The following ASIC2 variants were observed in gnomAD, a reference collection of about 807,000 sequenced individuals.
The protein encoded by ASIC2 is acid-sensing ion channel 2.
A neutral mutation model predicts 57.3 loss-of-function variants in ASIC2; 25 were observed. The ratio of observed to expected loss-of-function variants is 0.44; its 90% CI spans 0.32 to 0.61. ASIC2 has a LOEUF of 0.61. Ranked by LOEUF, ASIC2 falls within the 20% of genes least tolerant of loss-of-function variation. The pLI is 0.06. For missense variants in ASIC2, 641 were observed against 738.1 expected (o/e 0.87, Z 1.52); for synonymous variants, 319 against 307.5 (o/e 1.04, Z -0.39).
Position 33,594,728 on chromosome 17 carries a change from C to T in ASIC2, c.556-482661G>A, listed in dbSNP as rs371959823. ...CTGTAGTCCCAGCTACTCGGGAGGC[C>T]GAGGCAGGAGAATGACGTGAACCCG... On this transcript the variant is annotated intron_variant, in intron 1 of 9. Coordinates refer to the ASIC2 transcript ENST00000359872. Among the ~76,000 whole-genome samples the T allele has an allele frequency of 8.9e-3, 1,350 of 151,292 alleles. 26 individuals carry two copies. Among genetic ancestry groups the T allele is most frequent in the African/African-American group, 0.03 (1,234 of 41,176 alleles).
At chr17:33,042,643 A>T (rs941191611) in intron 3 of ASIC2, among the ~76,000 whole-genome samples, 2 of 152,242 alleles carry the variant, frequency 1.3e-5, no homozygotes, top group Admixed American at 6.5e-5. Context: ...GAGAGGTTAA[A>T]TGACTCTGGT....
intron 1 of ASIC2, among the ~76,000 whole-genome samples, chr17:33,479,906 C>A (rs1164104813): frequency 6.6e-6 from 1 of 152,156 alleles, no homozygotes; most frequent in Non-Finnish European, 1.5e-5. Context: ...CCCTCCATAT[C>A]TTCAACCTCC....
At position 33,671,633 on chromosome 17, in the gene ASIC2, G is replaced by A. The variant is rs566662040; in HGVS notation, c.555+484345C>T. ...CAAAGATCCAGGTTTCTCAGCCTGC[G>A]TGGACATCCACTTGGGAGGGTCCAA... On this transcript the variant is annotated intron_variant, in intron 1 of 9. Coordinates refer to the ASIC2 transcript ENST00000359872. Among the ~76,000 whole-genome samples the A allele has an allele frequency of 4.6e-5, 7 of 152,278 alleles. No homozygotes were observed. The East Asian group carries it at 5.8e-4, about 13-fold the overall frequency.
intron 1 of ASIC2, among the ~76,000 whole-genome samples, chr17:33,762,164 T>C (rs958483631): frequency 5.9e-5 from 9 of 152,080 alleles, no homozygotes; most frequent in South Asian, 2.1e-4. Flanking sequence ...AGGCAGGCTG[T>C]GGAGGTGGCA....
intron 1 of ASIC2, chr17:34,003,562 T>A (rs1906418294): frequency 6.6e-6 from 1 of 152,142 alleles, no homozygotes; most frequent in South Asian, 2.1e-4. Context: ...ATCATTGTCA[T>A]CATCATGATC....
At chr17:34,041,541 A>G (rs541801708) in intron 1 of ASIC2, 27 of 152,330 alleles carry the variant, frequency 1.8e-4, no homozygotes, top group African/African-American at 6.5e-4. Context: ...GGGAAATTGC[A>G]TATTTCCCTG....
chr17:33,610,963 A>G (rs560025300), intron 1 of ASIC2, among the ~76,000 whole-genome samples: 1 of 152,272 alleles, frequency 6.6e-6, no homozygotes, highest in East Asian at 1.9e-4. Flanking sequence ...TAGCACAGAA[A>G]CCCTGTAATT....
intron 1 of ASIC2, among the ~76,000 whole-genome samples, chr17:33,208,025 G>A (rs1334968986): frequency 6.6e-6 from 1 of 152,236 alleles, no homozygotes; most frequent in Non-Finnish European, 1.5e-5. Context: ...TTCTAGAGGA[G>A]CCAGACTAAG....
chr17:33,607,522 T>C (rs542221342), intron 1 of ASIC2, among the ~76,000 whole-genome samples: 4 of 152,170 alleles, frequency 2.6e-5, no homozygotes, highest in Non-Finnish European at 5.9e-5. Context: ...TTTCGAAAGC[T>C]GTTTGCTCTT....
At chr17:33,883,068 A>T (rs550469346) in intron 1 of ASIC2, among the ~76,000 whole-genome samples, 1 of 152,182 alleles carries the variant, frequency 6.6e-6, no homozygotes, top group African/African-American at 2.4e-5. Context: ...ATGAGAACAC[A>T]TGGACACAGG....
At position 33,013,889 on chromosome 17, in the gene ASIC2, T is replaced by G; in HGVS notation, c.*76A>C. The G allele has an allele frequency of 2.4e-4, 311 of 1,298,902 alleles. No homozygotes were observed. Among genetic ancestry groups the G allele is most frequent in the Non-Finnish European group, 3.0e-4 (279 of 916,902 alleles). 80.5% of individuals were successfully genotyped at this position (1,298,902 alleles called of 1,614,324 possible). A position where few individuals can be genotyped will look rare whatever the true frequency, so the allele number is the denominator to read the frequency against. On this transcript the variant is annotated 3_prime_UTR_variant, in exon 10 of 10. Coordinates refer to ENST00000225823, the MANE Select transcript of ASIC2 (RefSeq NM_183377.2). ...TTTCCAGCACTGGGGCCATCCCACC[T>G]GAGCTTGCTGTTCCTTGTCCTGGGT...
At position 33,655,769 on chromosome 17, in the gene ASIC2, C is replaced by G. The variant is rs577127662; in HGVS notation, c.555+500209G>C. 2.9e-4 allele frequency among the ~76,000 whole-genome samples: 44 copies of G among 152,214 alleles called. 1 individual carries two copies. In the South Asian group the frequency reaches 9.1e-3, roughly 32 times the overall value. On this transcript the variant is annotated intron_variant, in intron 1 of 9. Coordinates refer to the ASIC2 transcript ENST00000359872. ...TCCAATAAATAGAGTAATGATGAAC[C>G]ATGATGCAATAAATTGAATATTGAG...
In ASIC2 at chr17:33,844,418, C is replaced by T. The variant is rs183510524; in HGVS notation, c.555+311560G>A. Among the ~76,000 whole-genome samples the T allele has an allele frequency of 9.9e-4, 151 of 152,148 alleles. 1 individual carries two copies. Among genetic ancestry groups the T allele is most frequent in the African/African-American group, 3.4e-3 (142 of 41,498 alleles). On this transcript the variant is annotated intron_variant, in intron 1 of 9. Coordinates refer to the ASIC2 transcript ENST00000359872. The stretch of plus-strand genomic sequence containing the variant: ...CATGTGGGCAGGACCATTTAGATCA[C>T]GGCAAGGAGGGCAGAGTAAGATGGC...
intron 1 of ASIC2, among the ~76,000 whole-genome samples, chr17:33,338,657 T>A (rs529883349): frequency 6.6e-6 from 1 of 152,240 alleles, no homozygotes; most frequent in East Asian, 1.9e-4. Context: ...AGGTAAACGA[T>A]CTTAGACATT....
At chr17:34,142,194 A>G (rs1912289207) in intron 1 of ASIC2, among the ~76,000 whole-genome samples, 1 of 152,154 alleles carries the variant, frequency 6.6e-6, no homozygotes, top group Non-Finnish European at 1.5e-5. Flanking sequence ...AAAAGTGGAA[A>G]CTGAAATTAC....
At chr17:33,474,503 A>G (rs1913155238) in intron 1 of ASIC2, among the ~76,000 whole-genome samples, 2 of 152,240 alleles carry the variant, frequency 1.3e-5, no homozygotes, top group Non-Finnish European at 2.9e-5. Context: ...CACCACCTCT[A>G]AGTCCAGGGA....
intron 1 of ASIC2, among the ~76,000 whole-genome samples, chr17:33,798,073 A>T (rs1911972919): frequency 6.6e-6 from 1 of 152,124 alleles, no homozygotes. Context: ...GGAAAAGGAG[A>T]TGCAGCTTTC....
intron 1 of ASIC2, among the ~76,000 whole-genome samples, chr17:33,669,664 A>G (rs1032059155): frequency 4.6e-5 from 7 of 152,206 alleles, no homozygotes; most frequent in African/African-American, 1.7e-4. Context: ...TTATGCCATT[A>G]AGAGATGTTT....
chr17:33,202,679 G>A (rs2142079794), intron 1 of ASIC2, among the ~76,000 whole-genome samples: 1 of 152,340 alleles, frequency 6.6e-6, no homozygotes, highest in Non-Finnish European at 1.5e-5. Context: ...GAGTTGCTAT[G>A]GAGAGCGAAC....
Sources: allele counts gnomAD v4.1 joint callset (sites outside exome capture counted in the v4.1 genomes callset), GRCh38; gene constraint gnomAD v4.1.1; transcripts MANE v1.5; gene names NCBI Gene and HGNC (gene_info 2026-07-23, HGNC 2026-07-21).